CREB5: variants seen among roughly 807,000 people sequenced by gnomAD.
The protein encoded by CREB5 is cAMP responsive element binding protein 5, also known as cyclic AMP-responsive element-binding protein 5.
In CREB5, 19 loss-of-function variants were observed where a neutral mutation model predicts 57.1. The observed-to-expected ratio is 0.33, with a 90% CI of 0.23 to 0.49. The LOEUF (loss-of-function observed/expected upper bound fraction) is 0.49. Ranked by LOEUF, CREB5 falls within the 20% of genes least tolerant of loss-of-function variation. CREB5 has a pLI of 0.99. For synonymous variants in CREB5, 238 were observed against 238.3 expected (o/e 1.00, Z 0.01); for missense variants, 579 against 671.6 (o/e 0.86, Z 1.52).
chr7:28,710,096 G>C (rs1420555946), intron 5 of CREB5, among the ~76,000 whole-genome samples: 1 of 152,162 alleles, frequency 6.6e-6, no homozygotes, highest in Non-Finnish European at 1.5e-5. Context: ...TTTAATTGAT[G>C]TGAAAACAAG....
Position 28,779,655 on chromosome 7 carries a change from A to T in CREB5, c.703-24544A>T, listed in dbSNP as rs530348356. ...TTTAAGTAAATAATGAGTCTTGGTC[A>T]TGAACAGAGGAAAAGAAGAAGGGGA... On this transcript the variant is annotated intron_variant, in intron 7 of 10. Transcript: ENST00000357727. Among the ~76,000 whole-genome samples the T allele has an allele frequency of 2.7e-3, 411 of 152,326 alleles. 2 individuals carry two copies. Among genetic ancestry groups the T allele is most frequent in the Non-Finnish European group, 3.9e-3 (263 of 68,022 alleles).
At chr7:28,635,281 C>T (rs1798373262) in intron 5 of CREB5, among the ~76,000 whole-genome samples, 1 of 152,144 alleles carries the variant, frequency 6.6e-6, no homozygotes, top group South Asian at 2.1e-4. Context: ...ACACATTTGG[C>T]TGATAGGTTT....
In CREB5 at chr7:28,703,332, G is replaced by A. The variant is rs889437657; in HGVS notation, c.465-15421G>A. ...TGGTGAATGATTAGAAGTACAAGAT[G>A]AGGAATCTCAAAGTTAATGACTAAA... On this transcript the variant is annotated intron_variant, in intron 5 of 10. Transcript: ENST00000357727. 3.3e-5 allele frequency among the ~76,000 whole-genome samples: 5 copies of A among 152,268 alleles called. No homozygotes were observed. The South Asian group carries it at 1.0e-3, about 32-fold the overall frequency.
intron 5 of CREB5, among the ~76,000 whole-genome samples, chr7:28,643,374 G>C (rs1382132636): frequency 6.6e-6 from 1 of 152,136 alleles, no homozygotes; most frequent in African/African-American, 2.4e-5. Context: ...GTGTCTGTAT[G>C]TGTCTGGCAC....
intron 4 of CREB5, among the ~76,000 whole-genome samples, chr7:28,552,182 C>T (rs369165858): frequency 5.1e-4 from 77 of 152,188 alleles, no homozygotes; most frequent in African/African-American, 1.8e-3. Flanking sequence ...GGATTACAGG[C>T]GCCTGCCACC....
chr7:28,477,408 A>G (rs111825166), intron 1 of CREB5, among the ~76,000 whole-genome samples: 9 of 144,870 alleles, frequency 6.2e-5, no homozygotes, highest in African/African-American at 2.0e-4. Flanking sequence ...TTTTCCTAGC[A>G]TATGATCTAC....
upstream of CREB5, among the ~76,000 whole-genome samples, chr7:28,408,210 A>G (rs971898561): frequency 2.0e-5 from 3 of 152,182 alleles, no homozygotes; most frequent in African/African-American, 7.2e-5. Context: ...CACCTGTAGA[A>G]TGGGAATAAT....
chr7:28,336,682 C>T (rs1214656394), intron 1 of CREB5, among the ~76,000 whole-genome samples: 1 of 151,866 alleles, frequency 6.6e-6, no homozygotes, highest in Non-Finnish European at 1.5e-5. Flanking sequence ...TTCTTTATTA[C>T]AAATTCATTT....
chr7:28,585,344 T>C (rs1796268139), intron 5 of CREB5, among the ~76,000 whole-genome samples: 1 of 152,178 alleles, frequency 6.6e-6, no homozygotes, highest in Non-Finnish European at 1.5e-5. Context: ...GGGACTTACC[T>C]GGGGAAGGAG....
chr7:28,499,769 A>T (rs1172715630), intron 3 of CREB5, among the ~76,000 whole-genome samples: 1 of 151,950 alleles, frequency 6.6e-6, no homozygotes, highest in Non-Finnish European at 1.5e-5. Context: ...TTTTAGTAGA[A>T]ATGGGGTTTC....
In CREB5 at chr7:28,824,769, T is replaced by A. The variant is rs1266532847; in HGVS notation, c.*5490T>A. On this transcript the variant is annotated 3_prime_UTR_variant, in exon 11 of 11. Coordinates refer to ENST00000357727, the MANE Select transcript of CREB5 (RefSeq NM_182898.4). The stretch of plus-strand genomic sequence containing the variant: ...TTTTCCTTATAAATTGTCTATTTTT[T>A]AAAAAAGCTATTTAACCACAGCTGA... The A allele has an allele frequency of 1.3e-5, 2 of 152,630 alleles. No individual in the cohort carries two copies. Among genetic ancestry groups the A allele is most frequent in the African/African-American group, 2.4e-5 (1 of 41,466 alleles). 9.5% of individuals were successfully genotyped at this position (152,630 alleles called of 1,614,324 possible).
chr7:28,318,914 G>T (rs1191042119), intron 1 of CREB5, among the ~76,000 whole-genome samples: 1 of 152,136 alleles, frequency 6.6e-6, no homozygotes, highest in African/African-American at 2.4e-5. Context: ...TACCAGAAAA[G>T]TCCTCCCAAA....
At chr7:28,658,965 A>ATATATATATATATATATATATATATG (rs1583493265) in intron 5 of CREB5, among the ~76,000 whole-genome samples, 1 of 135,614 alleles carries the variant, frequency 7.4e-6, no homozygotes, top group Non-Finnish European at 1.6e-5. Flanking sequence ...ATATATATAT[A>ATATATATATATATATATATATATATG]TATATATATA....
At chr7:28,646,347 G>A (rs536453954) in intron 5 of CREB5, among the ~76,000 whole-genome samples, 2 of 152,112 alleles carry the variant, frequency 1.3e-5, no homozygotes, top group South Asian at 4.2e-4. Flanking sequence ...CTAGTGGTTA[G>A]GGGGAAAAAA....
rs59152695 is a variant in CREB5 at position 28,348,408 on chromosome 7, T to TCACACA, written c.-25+48998_-25+49003dup. On this transcript the variant is annotated intron_variant, in intron 1 of 9. Coordinates refer to the CREB5 transcript ENST00000396299. ...GTCTCTCTCTCTCTGTCTCTCTCTC[T>TCACACA]CACACACACACACACACACACACAC... is the stretch of plus-strand genomic sequence containing the variant. 2.8e-4 allele frequency among the ~76,000 whole-genome samples: 33 copies of TCACACA among 118,112 alleles called. No individual in the cohort carries two copies. The East Asian group carries it at 2.8e-3, about 10-fold the overall frequency. 77.5% of individuals were successfully genotyped at this position (118,112 alleles called of 152,430 possible).
At chr7:28,454,756 AT>A (rs1332994806) in intron 1 of CREB5, among the ~76,000 whole-genome samples, 3 of 152,040 alleles carry the variant, frequency 2.0e-5, no homozygotes, top group Admixed American at 2.0e-4. Context: ...AGCATATAAA[AT>A]TTTTTTTCAA....
rs983311914 is a variant in CREB5 at position 28,440,533 on chromosome 7, G to A, written c.3+27616G>A. ...AGGCCAGTCCTGCCCTGGCTTTTCCGTTTATCTTTAACTAATTTAACAAGC... is the reference window on the plus strand; with the variant it reads ...AGGCCAGTCCTGCCCTGGCTTTTCCATTTATCTTTAACTAATTTAACAAGC... On this transcript the variant is annotated intron_variant, in intron 1 of 10. Coordinates refer to ENST00000357727, the MANE Select transcript of CREB5 (RefSeq NM_182898.4). 3.9e-5 allele frequency among the ~76,000 whole-genome samples: 6 copies of A among 152,080 alleles called. No homozygotes were observed. The South Asian group carries it at 8.3e-4, about 21-fold the overall frequency.
At chr7:28,551,001 T>C (rs1393183808) in intron 4 of CREB5, among the ~76,000 whole-genome samples, 2 of 152,304 alleles carry the variant, frequency 1.3e-5, no homozygotes, top group East Asian at 1.9e-4. Context: ...ACTTTCTGAA[T>C]ACTTGATGTG....
At chr7:28,315,636 A>G (rs1355435679) in intron 1 of CREB5, among the ~76,000 whole-genome samples, 2 of 152,194 alleles carry the variant, frequency 1.3e-5, no homozygotes, top group Non-Finnish European at 2.9e-5. Context: ...TCCTCCCAGA[A>G]AGGGTTCTTT....
Sources: gnomAD v4.1 joint callset for allele counts (sites outside exome capture counted in the v4.1 genomes callset) on GRCh38, gnomAD v4.1.1 for gene constraint, MANE v1.5 for transcripts, NCBI Gene and HGNC (gene_info 2026-07-23, HGNC 2026-07-21) for gene names.